Variants in AGAP1 observed in about 807,000 individuals in gnomAD.
The protein encoded by AGAP1 is arf-GAP with GTPase, ANK repeat and PH domain-containing protein 1.
In AGAP1, 29 loss-of-function variants were observed where a neutral mutation model predicts 105.3. The ratio of observed to expected loss-of-function variants is 0.28; its 90% CI spans 0.21 to 0.38. AGAP1 has a LOEUF of 0.38. AGAP1 is among the 10% of genes least tolerant of loss of function. The pLI is 1.00. For missense variants in AGAP1, 998 were observed against 1,165.1 expected (o/e 0.86, Z 2.09); for synonymous variants, 509 against 485.9 (o/e 1.05, Z -0.63).
rs67684512 is a variant in AGAP1 at position 235,711,918 on chromosome 2, CT to C, written c.222+2684del. On this transcript the variant is annotated intron_variant, in intron 2 of 17. Coordinates refer to ENST00000304032, the MANE Select transcript of AGAP1 (RefSeq NM_001037131.3). ...TGTCATGGCAAGCCTCCAATAGGCC[CT>C]TTATGTAACATTTTGCAATAAATCT... Among the ~76,000 whole-genome samples the C allele has an allele frequency of 3.9e-3, 598 of 152,258 alleles. 5 individuals carry two copies. The highest frequency in any genetic ancestry group is 0.014 in the African/African-American group (577 of 41,528).
chr2:235,805,685 A>G (rs999720293), intron 8 of AGAP1, among the ~76,000 whole-genome samples: 2 of 152,232 alleles, frequency 1.3e-5, no homozygotes, highest in African/African-American at 2.4e-5. Flanking sequence ...CTTACTATAC[A>G]GTATTAAGAA....
chr2:235,523,080 T>C (rs919956579), intron 1 of AGAP1, among the ~76,000 whole-genome samples: 26 of 152,120 alleles, frequency 1.7e-4, no homozygotes, highest in Non-Finnish European at 5.9e-5. Flanking sequence ...CGGTGAGGGC[T>C]CTCTTCCTGG....
intron 13 of AGAP1, among the ~76,000 whole-genome samples, chr2:235,980,431 C>T (rs918410241): frequency 1.3e-5 from 2 of 152,132 alleles, no homozygotes; most frequent in South Asian, 2.1e-4. Flanking sequence ...TGAGAGCATC[C>T]GAACTCCTAG....
rs996095605 is a variant in AGAP1, at chr2:235,797,942, A to G, written c.801+56A>G. On this transcript the variant is annotated intron_variant, in intron 7 of 17. Coordinates refer to ENST00000304032, the MANE Select transcript of AGAP1 (RefSeq NM_001037131.3). The stretch of plus-strand genomic sequence containing the variant: ...TTAGAACCAAAGACAATATGCAAAT[A>G]GTGTTCCCAGCCAATGCTAAGGTTG... 5 of 1,591,554 alleles carry G rather than the reference A, an allele frequency of 3.1e-6. No homozygotes were observed. The South Asian group carries it at 5.7e-5, about 18-fold the overall frequency.
chr2:235,815,680 A>G lies in AGAP1; in HGVS notation c.1050+8349A>G, dbSNP rs188092603. ...TCTAACCAACATATTTGAGAATAAA[A>G]AAGAAAAACTTACTTGAAGAGGCCG... On this transcript the variant is annotated intron_variant, in intron 9 of 17. Coordinates refer to ENST00000304032, the MANE Select transcript of AGAP1 (RefSeq NM_001037131.3). Among the ~76,000 whole-genome samples the G allele has an allele frequency of 3.3e-5, 5 of 152,318 alleles. No individual in the cohort carries two copies. In the East Asian group the frequency reaches 9.6e-4, roughly 29 times the overall value.
chr2:235,728,436 T>A lies in AGAP1; in HGVS notation c.310+10792T>A, dbSNP rs1051688332. ...CTTAAACTAACAAATTCATGAATGA[T>A]TGACCCAGACCAGAAATGGAAACCT... On this transcript the variant is annotated intron_variant, in intron 3 of 17. Coordinates refer to ENST00000304032, the MANE Select transcript of AGAP1 (RefSeq NM_001037131.3). The surrounding 1 kb of genome is among the most constrained non-coding windows in gnomAD (Gnocchi z 4.3). Among the ~76,000 whole-genome samples the A allele has an allele frequency of 2.0e-5, 3 of 152,150 alleles. No individual in the cohort carries two copies. Among genetic ancestry groups the A allele is most frequent in the Non-Finnish European group, 2.9e-5 (2 of 68,040 alleles).
rs1166380769 is a variant in AGAP1 at position 236,061,742 on chromosome 2, A to G, written c.2114+12461A>G. The stretch of plus-strand genomic sequence containing the variant: ...ACGGAGTGATTGCCTAATGAGTACG[A>G]AACTTCTTTTGGAGACAACGAAAAT... On this transcript the variant is annotated intron_variant, in intron 16 of 17. Transcript: ENST00000304032. This position sits in a 1 kb window ranked among gnomAD's most constrained non-coding sequence, Gnocchi z 4.1. 1.3e-5 allele frequency among the ~76,000 whole-genome samples: 2 copies of G among 152,088 alleles called. No homozygotes were observed. Among genetic ancestry groups the G allele is most frequent in the Non-Finnish European group, 2.9e-5 (2 of 68,030 alleles).
chr2:236,077,141 A>AT lies in AGAP1; in HGVS notation c.2114+27860_2114+27861insT, dbSNP rs1559252275. Among the ~76,000 whole-genome samples, 778 of 123,742 alleles carry AT rather than the reference A, an allele frequency of 6.3e-3. 2 individuals are homozygous for AT. Among genetic ancestry groups the AT allele is most frequent in the African/African-American group, 0.011 (355 of 32,226 alleles). The allele number at this position is 123,742 out of a possible 152,430, so 81.2% of individuals were successfully genotyped here. Reference sequence around the variant, plus strand: ...AAAAAGAGTAGAAAAAAAAAAAAAAAAATATATATATATATATATTCATAT... The same window carrying AT: ...AAAAAGAGTAGAAAAAAAAAAAAAAATAATATATATATATATATATTCATAT... On this transcript the variant is annotated intron_variant, in intron 16 of 17. Coordinates refer to ENST00000304032, the MANE Select transcript of AGAP1 (RefSeq NM_001037131.3).
rs750856376 is a variant in AGAP1 at position 235,879,323 on chromosome 2, G to A, written c.1051-4022G>A. On this transcript the variant is annotated intron_variant, in intron 9 of 17. Transcript: ENST00000304032. This position sits in a 1 kb window ranked among gnomAD's most constrained non-coding sequence, Gnocchi z 5.0. Reference sequence around the variant, plus strand: ...CTAGACCACAGCCATGACATGGCAAGCGGGGCAGCCAAGTGGCTCTTGGTC... The same window carrying A: ...CTAGACCACAGCCATGACATGGCAAACGGGGCAGCCAAGTGGCTCTTGGTC... 2.0e-5 allele frequency among the ~76,000 whole-genome samples: 3 copies of A among 152,214 alleles called. No homozygotes were observed. Among genetic ancestry groups the A allele is most frequent in the Non-Finnish European group, 4.4e-5 (3 of 68,038 alleles).
Position 235,729,877 on chromosome 2 carries a change from A to T in AGAP1, c.311-11086A>T. Among the ~76,000 whole-genome samples, 1 of 152,168 alleles carries T rather than the reference A, an allele frequency of 6.6e-6. No individual in the cohort carries two copies. The highest frequency in any genetic ancestry group is 1.9e-4 in the East Asian group (1 of 5,192). On this transcript the variant is annotated intron_variant, in intron 3 of 17. Coordinates refer to ENST00000304032, the MANE Select transcript of AGAP1 (RefSeq NM_001037131.3). This position sits in a 1 kb window ranked among gnomAD's most constrained non-coding sequence, Gnocchi z 5.0. Reference sequence around the variant, plus strand: ...TTAGTTTCTTTAAAGGGTTGTAAACATAAAAACAAAGAAGGATACAACATG... The same window carrying T: ...TTAGTTTCTTTAAAGGGTTGTAAACTTAAAAACAAAGAAGGATACAACATG...
intron 16 of AGAP1, among the ~76,000 whole-genome samples, chr2:236,077,078 C>G (rs1478331456): frequency 6.8e-6 from 1 of 147,910 alleles, no homozygotes; most frequent in Non-Finnish European, 1.5e-5. Context: ...CCCCTGCACT[C>G]CAGCCTGGGC....
At chr2:235,602,876 A>AT (rs767874483) in intron 1 of AGAP1, among the ~76,000 whole-genome samples, 20 of 152,014 alleles carry the variant, frequency 1.3e-4, no homozygotes, top group Non-Finnish European at 2.1e-4. Context: ...TAATTTTTGT[A>AT]TTTTTAGTAG....
chr2:235,879,195 C>T lies in AGAP1; in HGVS notation c.1051-4150C>T, dbSNP rs540591913. Among the ~76,000 whole-genome samples the T allele has an allele frequency of 1.3e-5, 2 of 152,350 alleles. No homozygotes were observed. The highest frequency in any genetic ancestry group is 4.1e-4 in the South Asian group (2 of 4,830). On this transcript the variant is annotated intron_variant, in intron 9 of 17. Coordinates refer to ENST00000304032, the MANE Select transcript of AGAP1 (RefSeq NM_001037131.3). This position sits in a 1 kb window ranked among gnomAD's most constrained non-coding sequence, Gnocchi z 5.0. The stretch of plus-strand genomic sequence containing the variant: ...CATGGCTTCCATAACTTCGCTGCCC[C>T]TGACTTGTTCCTTTGGGGAGCAGGG...
chr2:235,931,031 G>A lies in AGAP1; in HGVS notation c.1483+108G>A. The A allele has an allele frequency of 4.6e-6, 6 of 1,299,204 alleles. No individual in the cohort carries two copies. Among genetic ancestry groups the A allele is most frequent in the Non-Finnish European group, 6.2e-6 (6 of 966,102 alleles). 80.5% of individuals were successfully genotyped at this position (1,299,204 alleles called of 1,614,324 possible). ...GCTCTCATGCTCCTCTGGGAGCGCA[G>A]CACCCTGTGGGGCGGCTGCATCAGA... is the stretch of plus-strand genomic sequence containing the variant. On this transcript the variant is annotated intron_variant, in intron 12 of 17. Coordinates refer to ENST00000304032, the MANE Select transcript of AGAP1 (RefSeq NM_001037131.3). The surrounding 1 kb of genome is among the most constrained non-coding windows in gnomAD (Gnocchi z 5.6).
intron 1 of AGAP1, among the ~76,000 whole-genome samples, chr2:235,542,317 T>G (rs1943473441): frequency 6.6e-6 from 1 of 152,206 alleles, no homozygotes; most frequent in African/African-American, 2.4e-5. Context: ...GGACTTGGCC[T>G]TGGCCTTCAG....
intron 6 of AGAP1, among the ~76,000 whole-genome samples, chr2:235,785,907 TA>T (rs34115479): frequency 0.26 from 39,262 of 151,944 alleles, 5,432 homozygotes; most frequent in Admixed American, 0.4. Flanking sequence ...TTGGGCCTTT[TA>T]AAAAAAACGT....
Position 235,550,612 on chromosome 2 carries a change from C to T in AGAP1, c.163+55763C>T, listed in dbSNP as rs1473688667. Among the ~76,000 whole-genome samples, 1 of 152,146 alleles carries T rather than the reference C, an allele frequency of 6.6e-6. No homozygotes were observed. The highest frequency in any genetic ancestry group is 1.5e-5 in the Non-Finnish European group (1 of 68,022). On this transcript the variant is annotated intron_variant, in intron 1 of 17. Transcript: ENST00000304032. The surrounding 1 kb of genome is among the most constrained non-coding windows in gnomAD (Gnocchi z 4.6). ...GAGCCACAGACAGGTGTGTTTGCCG[C>T]AGAGGTGCCGAGGGCCCAGCAGGAC...
In AGAP1 at chr2:235,769,601, G is replaced by T. The variant is rs1391652313; in HGVS notation, c.673+19113G>T. 6.6e-6 allele frequency among the ~76,000 whole-genome samples: 1 copy of T among 152,176 alleles called. No homozygotes were observed. Among genetic ancestry groups the T allele is most frequent in the Non-Finnish European group, 1.5e-5 (1 of 68,036 alleles). On this transcript the variant is annotated intron_variant, in intron 6 of 17. Transcript: ENST00000304032. The surrounding 1 kb of genome is among the most constrained non-coding windows in gnomAD (Gnocchi z 4.4). ...GCTGTTGCGTGAGATAAGTTAGGAT[G>T]CTCTTGAAGAAGTTTAGTGACATTC...
chr2:235,547,804 C>G (rs184446310), intron 1 of AGAP1, among the ~76,000 whole-genome samples: 11 of 152,308 alleles, frequency 7.2e-5, no homozygotes, highest in Non-Finnish European at 1.6e-4. Context: ...TGAGTCCTTT[C>G]TACTGTGGGG....
Sources: gnomAD v4.1 joint callset for allele counts (sites outside exome capture counted in the v4.1 genomes callset) on GRCh38, gnomAD v4.1.1 for gene constraint, Gnocchi (gnomAD v3.1) non-coding constraint, MANE v1.5 for transcripts, NCBI Gene and HGNC (gene_info 2026-07-23, HGNC 2026-07-21) for gene names.